The following IQGAP2 variants were observed in gnomAD, a reference collection of about 807,000 sequenced individuals.
IQGAP2 encodes ras GTPase-activating-like protein IQGAP2.
IQGAP2 carries 173 observed loss-of-function variants against 201.3 expected under a neutral mutation model. The ratio of observed to expected loss-of-function variants is 0.86; its 90% CI spans 0.76 to 0.98. IQGAP2 has a LOEUF of 0.98. Ranked by LOEUF, IQGAP2 falls within the 50% of genes least tolerant of loss-of-function variation. IQGAP2 has a pLI of 0.00. For missense variants in IQGAP2, 1,687 were observed against 1,864.8 expected, an observed-to-expected ratio of 0.90 and a Z score of 1.76; for synonymous variants, 675 against 673.9, an observed-to-expected ratio of 1.00 and a Z score of -0.03.
At chr5:76,582,535 A>G (rs1745942007) in intron 5 of IQGAP2, among the ~76,000 whole-genome samples, 2 of 152,332 alleles carry the variant, frequency 1.3e-5, no homozygotes, top group Non-Finnish European at 2.9e-5. Context: ...ATATACAAAC[A>G]TTCATTCCAC....
rs768773573 is a variant in IQGAP2 at position 76,698,011 on chromosome 5, C to T, written c.4231C>T (p.Arg1411Cys). ...AKDIRNQRIY[R>C]KLRKAELAKL... ...GGATATTCGAAATCAAAGAATCTAT[C>T]GTAAGCTTCGAAAAGCTGAATTGGC... The change falls in exon 33 of 36, where the codon CGT (arginine) becomes TGT (cysteine). Residue 1411 changes from arginine (R) to cysteine (C), a missense_variant. Physicochemically the swap from Arg to Cys is radical, Grantham distance 180 (BLOSUM62 -3). Coordinates refer to ENST00000274364, the MANE Select transcript of IQGAP2 (RefSeq NM_006633.5). 6 of 1,612,638 alleles carry T rather than the reference C, an allele frequency of 3.7e-6. No homozygotes were observed. The highest frequency in any genetic ancestry group is 2.2e-5 in the East Asian group (1 of 44,766).
Position 76,671,974 on chromosome 5 carries a change from G to T in IQGAP2, c.3059G>T (p.Gly1020Val), listed in dbSNP as rs766028613. 6.2e-7 allele frequency: 1 copy of T among 1,610,272 alleles called. No individual in the cohort carries two copies. The highest frequency in any genetic ancestry group is 8.5e-7 in the Non-Finnish European group (1 of 1,176,796). ...GTGAACCAACTAGAAACACAGACTGGAGAGGCCAGGTAATAGAATCAGGAA... is the reference window on the plus strand; with the variant it reads ...GTGAACCAACTAGAAACACAGACTGTAGAGGCCAGGTAATAGAATCAGGAA... ...AWVNQLETQT[G>V]EASKLPYDVT... The change falls in exon 24 of 36, where the codon GGA (glycine) becomes GTA (valine). Residue 1020 changes from glycine to valine, a missense_variant. Physicochemically the swap from Gly to Val is moderately radical, Grantham distance 109 (BLOSUM62 -3). Coordinates refer to ENST00000274364, the MANE Select transcript of IQGAP2 (RefSeq NM_006633.5).
intron 30 of IQGAP2, among the ~76,000 whole-genome samples, chr5:76,686,652 G>T (rs928525744): frequency 1.3e-5 from 2 of 152,116 alleles, no homozygotes; most frequent in Non-Finnish European, 2.9e-5. Flanking sequence ...TGGGACTACA[G>T]GTGTCTGCCA....
At chr5:76,433,984 A>G (rs1304077663) in intron 1 of IQGAP2, among the ~76,000 whole-genome samples, 3 of 152,190 alleles carry the variant, frequency 2.0e-5, no homozygotes, top group African/African-American at 4.8e-5. Context: ...CATCCTTCCA[A>G]TCAACTCCTG....
At chr5:76,632,114 T>A in intron 15 of IQGAP2, 88 bp downstream of exon 15, 1 of 1,043,748 alleles carries the variant, frequency 9.6e-7, no homozygotes, top group Non-Finnish European at 1.3e-6. Context: ...AGACAAGTAA[T>A]GCTTTCAAAT....
intron 2 of IQGAP2, among the ~76,000 whole-genome samples, chr5:76,477,238 G>A (rs1372355482): frequency 2.0e-5 from 3 of 152,160 alleles, no homozygotes; most frequent in African/African-American, 7.2e-5. Flanking sequence ...CTACTTGGGA[G>A]GCTGAGGTAG....
intron 22 of IQGAP2, among the ~76,000 whole-genome samples, chr5:76,667,877 C>CTTTTTTTTTTTTTTATTTTTTTTTTT (rs1743924377): frequency 8.1e-6 from 1 of 123,422 alleles, no homozygotes; most frequent in African/African-American, 3.1e-5. Flanking sequence ...AGTCCACTTT[C>CTTTTTTTTTTTTTTATTTTTTTTTTT]TTTTTTTTTT....
At position 76,533,221 on chromosome 5, in the gene IQGAP2, G is replaced by A. The variant is rs1165456557; in HGVS notation, c.147-29175G>A. ...GATATTGCTAGCATCTTGTGTTAGA[G>A]CCAAAACTTGCAGTGTAGCATCCTC... is the stretch of plus-strand genomic sequence containing the variant. On this transcript the variant is annotated intron_variant, in intron 2 of 35. Coordinates refer to ENST00000274364, the MANE Select transcript of IQGAP2 (RefSeq NM_006633.5). 2.0e-5 allele frequency among the ~76,000 whole-genome samples: 3 copies of A among 152,126 alleles called. No individual in the cohort carries two copies. In the East Asian group the frequency reaches 5.8e-4, roughly 29 times the overall value.
At chr5:76,525,308 G>T (rs1456579814) in intron 2 of IQGAP2, among the ~76,000 whole-genome samples, 3 of 152,196 alleles carry the variant, frequency 2.0e-5, no homozygotes, top group Non-Finnish European at 4.4e-5. Context: ...TAGAATATCA[G>T]CATCATTCTT....
In IQGAP2 at chr5:76,654,254, C is replaced by G. The variant is rs749756129; in HGVS notation, c.2233C>G (p.Gln745Glu). The change falls in exon 19 of 36, where the codon CAG becomes GAG. Residue 745 changes from glutamine (Q) to glutamate (E), a missense_variant. By Grantham distance (29) the Gln-to-Glu change is conservative (BLOSUM62 2). Transcript: ENST00000274364. Reference protein sequence around the residue: ...TARKSYLSRLQYFRDHNNEIV... With the variant: ...TARKSYLSRLEYFRDHNNEIV... ...AAGAAAGAGCTATCTTTCAAGACTACAGTATTTCAGAGATCATGTAAGAAA... is the reference window on the plus strand; with the variant it reads ...AAGAAAGAGCTATCTTTCAAGACTAGAGTATTTCAGAGATCATGTAAGAAA... 6.2e-7 allele frequency: 1 copy of G among 1,607,732 alleles called. No individual in the cohort carries two copies.
At chr5:76,516,286 C>T (rs1758317173) in intron 2 of IQGAP2, among the ~76,000 whole-genome samples, 2 of 151,910 alleles carry the variant, frequency 1.3e-5, no homozygotes, top group Non-Finnish European at 2.9e-5. Flanking sequence ...ATGTGGTTGC[C>T]CGAACCATTC....
At chr5:76,584,527 AAAG>A (rs530652444) in intron 5 of IQGAP2, among the ~76,000 whole-genome samples, 163 of 152,270 alleles carry the variant, frequency 1.1e-3, no homozygotes, top group Non-Finnish European at 1.9e-3. Context: ...ACAGCAAGGA[AAAG>A]AAGAGCCTCA....
chr5:76,533,268 TAC>T, intron 2 of IQGAP2, among the ~76,000 whole-genome samples: 1 of 152,140 alleles, frequency 6.6e-6, no homozygotes, highest in South Asian at 2.1e-4. Context: ...ACTAGAAACT[TAC>T]TTGTGGAATT....
intron 2 of IQGAP2, among the ~76,000 whole-genome samples, chr5:76,534,154 T>A (rs577940385): frequency 6.6e-6 from 1 of 152,334 alleles, no homozygotes; most frequent in South Asian, 2.1e-4. Flanking sequence ...TCTAACTTAA[T>A]TTTTTCCCAC....
chr5:76,552,048 CT>C (rs1268143376), intron 2 of IQGAP2, among the ~76,000 whole-genome samples: 10 of 152,212 alleles, frequency 6.6e-5, no homozygotes, highest in Non-Finnish European at 1.2e-4. Context: ...TTCCTCGCCC[CT>C]GGGCCTGAAC....
intron 2 of IQGAP2, among the ~76,000 whole-genome samples, chr5:76,522,962 C>G (rs1758776636): frequency 6.6e-6 from 1 of 152,078 alleles, no homozygotes; most frequent in Admixed American, 6.5e-5. Flanking sequence ...TTCTTACCAC[C>G]ATCCATCCCC....
rs777279389 is a variant in IQGAP2, at chr5:76,611,005, T to C, written c.1358-15T>C. ...TACTGTGACTTAAAAGGAAAACTAC[T>C]TCTTCATTTTCTAGGAGTTGTAGCT... On this transcript the variant is annotated splice_polypyrimidine_tract_variant and intron_variant, in intron 12 of 35. Coordinates refer to ENST00000274364, the MANE Select transcript of IQGAP2 (RefSeq NM_006633.5). The C allele has an allele frequency of 1.3e-6, 2 of 1,597,680 alleles. No homozygotes were observed. Among genetic ancestry groups the C allele is most frequent in the South Asian group, 1.1e-5 (1 of 88,260 alleles).
chr5:76,618,498 C>A (rs1028071777), intron 13 of IQGAP2: 1 of 1,614,012 alleles, frequency 6.2e-7, no homozygotes, highest in African/African-American at 1.3e-5. Context: ...TTCTTCAGGG[C>A]ACTTAATTTT....
At chr5:76,432,183 T>A (rs1752414296) in intron 1 of IQGAP2, among the ~76,000 whole-genome samples, 2 of 130,442 alleles carry the variant, frequency 1.5e-5, no homozygotes, top group Non-Finnish European at 3.2e-5. Flanking sequence ...TGGAGTTCAG[T>A]GGCTGGATCT....
Sources: gnomAD v4.1 joint callset for allele counts (sites outside exome capture counted in the v4.1 genomes callset) on GRCh38, gnomAD v4.1.1 for gene constraint, MANE v1.5 for transcripts, NCBI Gene and HGNC (gene_info 2026-07-23, HGNC 2026-07-21) for gene names.